The following DYRK1B variants were observed in gnomAD, a reference collection of about 807,000 sequenced individuals.
The protein encoded by DYRK1B is dual specificity tyrosine phosphorylation regulated kinase 1B.
DYRK1B carries 20 observed loss-of-function variants against 57.1 expected under a neutral mutation model. The observed-to-expected ratio is 0.35, with a 90% CI of 0.25 to 0.51. The LOEUF (loss-of-function observed/expected upper bound fraction) is 0.51, where lower values mean the gene tolerates loss of function less well. Ranked by LOEUF, DYRK1B falls within the 20% of genes least tolerant of loss-of-function variation. DYRK1B has a pLI of 0.96. For synonymous variants in DYRK1B, 409 were observed against 384.7 expected, an observed-to-expected ratio of 1.06 and a Z score of -0.74; for missense variants, 732 against 886.3, an observed-to-expected ratio of 0.83 and a Z score of 2.21.
chr19:39,827,971 C>T (rs999144064), intron 6 of DYRK1B, among the ~76,000 whole-genome samples: 1 of 152,152 alleles, frequency 6.6e-6, no homozygotes, highest in Non-Finnish European at 1.5e-5. Context: ...GCAGCTCATA[C>T]AGAGCTGCAA....
Position 39,828,321 on chromosome 19 carries a change from G to A in DYRK1B, c.783C>T (p.Gly261=). The A allele has an allele frequency of 6.2e-7, 1 of 1,614,172 alleles. No individual in the cohort carries two copies. Among genetic ancestry groups the A allele is most frequent in the Non-Finnish European group, 8.5e-7 (1 of 1,180,040 alleles). ...CCCTCTGGCCAAGCTGGCAGGAGCT[G>A]CCGAAGTCCACAATCTTGATGGCGC... ...KRSAIKIVDF[G]SSCQLGQRIY... The change falls in exon 6 of 11, where the codon GGC becomes GGT. Residue 261 remains glycine (G), a synonymous_variant. Transcript: ENST00000323039. This position sits in a 1 kb window ranked among gnomAD's most constrained non-coding sequence, Gnocchi z 4.3.
chr19:39,826,674 G>C lies in DYRK1B; in HGVS notation c.1409C>G (p.Ser470Cys), dbSNP rs1968553199. 1 of 1,600,520 alleles carries C rather than the reference G, an allele frequency of 6.2e-7. No homozygotes were observed. The highest frequency in any genetic ancestry group is 8.5e-7 in the Non-Finnish European group (1 of 1,174,914). The change falls in exon 9 of 11, where the codon TCT (serine) becomes TGT (cysteine). Residue 470 changes from serine to cysteine, a missense_variant and splice_region_variant. This residue lies in a region of DYRK1B where 510 missense variants were observed against 681.3 expected (regional missense o/e 0.75). Coordinates refer to ENST00000323039, the MANE Select transcript of DYRK1B (RefSeq NM_004714.3). The surrounding 1 kb of genome is among the most constrained non-coding windows in gnomAD (Gnocchi z 6.3). The part of the protein sequence containing the change: ...SSSTASSISS[S>C]GGSSGSSSDN... ...CATTTGGGCACCTGGGCACCCACCA[G>C]AACTGGAGATGGAGCTGGCGGTGCT...
At position 39,825,612 on chromosome 19, in the gene DYRK1B, G is replaced by A. The variant is rs1484748906; in HGVS notation, c.*103C>T. 2 of 1,297,744 alleles carry A rather than the reference G, an allele frequency of 1.5e-6. No individual in the cohort carries two copies. The highest frequency in any genetic ancestry group is 2.1e-6 in the Non-Finnish European group (2 of 941,088). The allele number at this position is 1,297,744 out of a possible 1,614,324, so 80.4% of individuals were successfully genotyped here. ...GTGCAGGCCTCACCCACCCCAGCTG[G>A]GTAGCAGCAATTCCAGTCAAGGAGA... On this transcript the variant is annotated 3_prime_UTR_variant, in exon 11 of 11. Coordinates refer to ENST00000323039, the MANE Select transcript of DYRK1B (RefSeq NM_004714.3).
At position 39,827,061 on chromosome 19, in the gene DYRK1B, G is replaced by A. The variant is rs1041050089; in HGVS notation, c.1096-74C>T. ...GCAGGAGGGGCAGGGAGACACACAC[G>A]GGGAAACAGAGGCACAAGAGAGAAA... On this transcript the variant is annotated intron_variant, in intron 8 of 10. Transcript: ENST00000323039. 138 of 1,280,038 alleles carry A rather than the reference G, an allele frequency of 1.1e-4. No homozygotes were observed. In the Admixed American group the frequency reaches 1.6e-3, roughly 15 times the overall value. The allele number at this position is 1,280,038 out of a possible 1,614,324, so 79.3% of individuals were successfully genotyped here.
Position 39,829,948 on chromosome 19 carries a change from T to C in DYRK1B, c.452A>G (p.Gln151Arg). The C allele has an allele frequency of 6.2e-7, 1 of 1,614,184 alleles. No homozygotes were observed. Among genetic ancestry groups the C allele is most frequent in the Non-Finnish European group, 8.5e-7 (1 of 1,180,044 alleles). ...CAGCAGCCGCAGCTCAATCTGGGCC[T>C]GGTTCAGGAAAGCCTTTTTGTTCTT... ...IIKNKKAFLN[Q>R]AQIELRLLEL... Residue 151 changes from glutamine (Q) to arginine (R), a missense_variant, in exon 5 of 11, where the codon CAG becomes CGG. By Grantham distance (43) the Gln-to-Arg change is conservative (BLOSUM62 1). Transcript: ENST00000323039.
At position 39,830,333 on chromosome 19, in the gene DYRK1B, T is replaced by A. The variant is rs778178192; in HGVS notation, c.372+42A>T. On this transcript the variant is annotated intron_variant, in intron 4 of 10. Coordinates refer to ENST00000323039, the MANE Select transcript of DYRK1B (RefSeq NM_004714.3). ...TGAACCACTGGGTGTGTGATCAATG[T>A]TAGTGGGGCCTTGGATCAGGGTGGT... The A allele has an allele frequency of 5.0e-6, 8 of 1,611,686 alleles. No individual in the cohort carries two copies. In the African/African-American group the frequency reaches 9.3e-5, roughly 19 times the overall value.
Position 39,829,880 on chromosome 19 carries a change from C to T in DYRK1B, c.520G>A (p.Val174Ile). 1 of 1,613,270 alleles carries T rather than the reference C, an allele frequency of 6.2e-7. No individual in the cohort carries two copies. Among genetic ancestry groups the T allele is most frequent in the Non-Finnish European group, 8.5e-7 (1 of 1,179,956 alleles). ...QHDTEMKYYI[V>I]HLKRHFMFRN... ...CAGCCCTGCCAGTCCCAGGCCTCAC[C>T]TATATAGTACTTCATCTCCGTGTCA... The change falls in exon 5 of 11, where the codon GTA (valine) becomes ATA (isoleucine). Residue 174 changes from valine (V) to isoleucine (I), a missense_variant and splice_region_variant. By Grantham distance (29) the Val-to-Ile change is conservative. This residue lies in a region of DYRK1B where 510 missense variants were observed against 681.3 expected (regional missense o/e 0.75). Coordinates refer to ENST00000323039, the MANE Select transcript of DYRK1B (RefSeq NM_004714.3).
chr19:39,825,868 G>A lies in DYRK1B; in HGVS notation c.1737C>T (p.His579=), dbSNP rs766835520. The change falls in exon 11 of 11, where the codon CAC becomes CAT. Residue 579 remains histidine (H), a synonymous_variant. Coordinates refer to ENST00000323039, the MANE Select transcript of DYRK1B (RefSeq NM_004714.3). Reference sequence around the variant, plus strand: ...CCGGGTGCTGGGGGGCAGGCGCTGGGTGAGGTGGGGAGCAGTCAGCAGGGC... The same window carrying A: ...CCGGGTGCTGGGGGGCAGGCGCTGGATGAGGTGGGGAGCAGTCAGCAGGGC... The part of the protein sequence containing the change: ...VGGPADCSPP[H]PAPAPQHPAA... 1 of 1,601,252 alleles carries A rather than the reference G, an allele frequency of 6.2e-7. No homozygotes were observed. Among genetic ancestry groups the A allele is most frequent in the South Asian group, 1.1e-5 (1 of 88,994 alleles).
At position 39,826,155 on chromosome 19, in the gene DYRK1B, T is replaced by TCCAAAGCCC; in HGVS notation, c.1518+16_1518+24dup. The TCCAAAGCCC allele has an allele frequency of 6.3e-7, 1 of 1,583,936 alleles. No homozygotes were observed. The highest frequency in any genetic ancestry group is 8.6e-7 in the Non-Finnish European group (1 of 1,168,034). The stretch of plus-strand genomic sequence containing the variant: ...TAAGCCCCAGGCACCACCACCCACC[T>TCCAAAGCCC]CCAAAGCCCCCAAAGCCCCATTACC... On this transcript the variant is annotated intron_variant, in intron 10 of 10. Coordinates refer to ENST00000323039, the MANE Select transcript of DYRK1B (RefSeq NM_004714.3). The surrounding 1 kb of genome is among the most constrained non-coding windows in gnomAD (Gnocchi z 6.3).
rs1018701660 is a variant in DYRK1B, at chr19:39,831,885, G to A, written c.-18C>T. On this transcript the variant is annotated 5_prime_UTR_variant, in exon 2 of 11. Transcript: ENST00000323039. ...ACGGCCATGGTGGGCTCAGAGGGCC[G>A]CAGGGGAGCGAGGCCTGGAGCGGGA... 1.8e-5 allele frequency: 26 copies of A among 1,470,798 alleles called. No individual in the cohort carries two copies. Among genetic ancestry groups the A allele is most frequent in the South Asian group, 1.2e-4 (9 of 74,650 alleles). The allele number at this position is 1,470,798 out of a possible 1,614,324, so 91.1% of individuals were successfully genotyped here.
Position 39,826,837 on chromosome 19 carries a change from G to A in DYRK1B, c.1246C>T (p.Pro416Ser). The change falls in exon 9 of 11, where the codon CCC becomes TCC. Residue 416 changes from proline to serine, a missense_variant. Pro to Ser is a moderately conservative substitution (Grantham distance 74). This residue lies in a region of DYRK1B where 510 missense variants were observed against 681.3 expected (regional missense o/e 0.75). Transcript: ENST00000323039. The surrounding 1 kb of genome is among the most constrained non-coding windows in gnomAD (Gnocchi z 6.3). ...CCCAGGGGGCTGATGCGGGCGGCGG[G>A]CTCATACTCCAGCATGCGCAGCACC... is the stretch of plus-strand genomic sequence containing the variant. Reference protein sequence around the residue: ...DLVLRMLEYEPAARISPLGAL... With the variant: ...DLVLRMLEYESAARISPLGAL... The A allele has an allele frequency of 6.7e-7, 1 of 1,484,398 alleles. No individual in the cohort carries two copies. Among genetic ancestry groups the A allele is most frequent in the Non-Finnish European group, 8.9e-7 (1 of 1,119,206 alleles). 92.0% of individuals were successfully genotyped at this position (1,484,398 alleles called of 1,614,324 possible). A position where few individuals can be genotyped will look rare whatever the true frequency, so the allele number is the denominator to read the frequency against.
At position 39,830,456 on chromosome 19, in the gene DYRK1B, A is replaced by G. The variant is rs149848740; in HGVS notation, c.291T>C (p.His97=). 592 of 1,614,210 alleles carry G rather than the reference A, an allele frequency of 3.7e-4. 6 individuals carry two copies. Among genetic ancestry groups the G allele is most frequent in the South Asian group, 2.9e-3 (268 of 91,084 alleles). The change falls in exon 4 of 11, where the codon CAT becomes CAC. Residue 97 remains histidine, a synonymous_variant. Coordinates refer to ENST00000323039, the MANE Select transcript of DYRK1B (RefSeq NM_004714.3). ...GCTCGCCACTGCGCACGATGTAGTC[A>G]TGGTTGTCGTCATCATAACCATGGT... is the stretch of plus-strand genomic sequence containing the variant. ...VLNHGYDDDN[H]DYIVRSGERW...
Position 39,830,676 on chromosome 19 carries a change from C to T in DYRK1B, c.171G>A (p.Lys57=), listed in dbSNP as rs748344036. ...KLSVDLIKTY[K]HINEVYYAKK... ...AGCCCCTGCCCACCTCATTGATGTG[C>T]TTGTAGGTCTTGATGAGGTCCACAG... Residue 57 remains lysine, a synonymous_variant, in exon 3 of 11, where the codon AAG becomes AAA. Coordinates refer to ENST00000323039, the MANE Select transcript of DYRK1B (RefSeq NM_004714.3). The T allele has an allele frequency of 8.7e-6, 14 of 1,613,830 alleles. No homozygotes were observed. Among genetic ancestry groups the T allele is most frequent in the Non-Finnish European group, 1.2e-5 (14 of 1,179,946 alleles).
At chr19:39,832,254 C>A (rs1304086912) in intron 1 of DYRK1B, among the ~76,000 whole-genome samples, 2 of 151,866 alleles carry the variant, frequency 1.3e-5, no homozygotes, top group East Asian at 3.9e-4. Flanking sequence ...TCGATATGAG[C>A]CATCACAGGG....
intron 6 of DYRK1B, 44 bp from the exon 7 acceptor site, chr19:39,827,700 G>T: frequency 6.3e-7 from 1 of 1,594,318 alleles, no homozygotes. Context: ...TCCCCTACTG[G>T]TCCCACTGAC....
At position 39,826,257 on chromosome 19, in the gene DYRK1B, G is replaced by A. The variant is rs753046735; in HGVS notation, c.1441C>T (p.Arg481Trp). 49 of 1,593,684 alleles carry A rather than the reference G, an allele frequency of 3.1e-5. No individual in the cohort carries two copies. Among genetic ancestry groups the A allele is most frequent in the South Asian group, 1.0e-4 (9 of 88,186 alleles). ...TATCGGTTGCTGTAGCGGTAGGTCC[G>A]GTTGTCACTGGAGGAGCCACTGGAG... ...GGSSGSSSDNRTYRYSNRYCG... is the reference protein window; with the variant it reads ...GGSSGSSSDNWTYRYSNRYCG... Residue 481 changes from arginine (R) to tryptophan (W), a missense_variant, in exon 10 of 11, where the codon CGG becomes TGG. Physicochemically the swap from Arg to Trp is moderately radical, Grantham distance 101. Coordinates refer to ENST00000323039, the MANE Select transcript of DYRK1B (RefSeq NM_004714.3). This position sits in a 1 kb window ranked among gnomAD's most constrained non-coding sequence, Gnocchi z 6.3.
Position 39,828,531 on chromosome 19 carries a change from C to T in DYRK1B, c.573G>A (p.Glu191=). ...MFRNHLCLVF[E]LLSYNLYDLL... is the part of the protein sequence containing the mutation. ...GGTCGTACAGGTTGTAGGACAGCAGCTCAAATACCAGGCACAGGTGGTTCC... is the reference window on the plus strand; with the variant it reads ...GGTCGTACAGGTTGTAGGACAGCAGTTCAAATACCAGGCACAGGTGGTTCC... Residue 191 remains glutamate (E), a synonymous_variant, in exon 6 of 11, where the codon GAG becomes GAA. Transcript: ENST00000323039. This position sits in a 1 kb window ranked among gnomAD's most constrained non-coding sequence, Gnocchi z 4.3. The T allele has an allele frequency of 6.2e-7, 1 of 1,613,080 alleles. No homozygotes were observed. The highest frequency in any genetic ancestry group is 1.1e-5 in the South Asian group (1 of 90,886).
At chr19:39,832,938 C>A (rs1307986751) in intron 1 of DYRK1B, 2 of 979,114 alleles carry the variant, frequency 2.0e-6, no homozygotes, top group East Asian at 1.1e-4. Flanking sequence ...CCCCCCTACA[C>A]ACACACACAC....
chr19:39,827,745 G>T, intron 6 of DYRK1B, 89 bp from the exon 7 acceptor site: 1 of 1,483,226 alleles, frequency 6.7e-7, no homozygotes, highest in Non-Finnish European at 9.1e-7. Context: ...CTGAGGACAG[G>T]CTTCTTGCTG....
Sources: gnomAD v4.1 joint callset for allele counts (sites outside exome capture counted in the v4.1 genomes callset) on GRCh38, gnomAD v4.1.1 for gene constraint, gnomAD v4.1.1 regional missense constraint, Gnocchi (gnomAD v3.1) non-coding constraint, MANE v1.5 for transcripts, NCBI Gene and HGNC (gene_info 2026-07-23, HGNC 2026-07-21) for gene names.